Variants in HPN observed in about 807,000 individuals in gnomAD.
The protein encoded by HPN is hepsin, also known as serine protease hepsin.
In HPN, 13 loss-of-function variants were observed where a neutral mutation model predicts 55.9. The observed-to-expected ratio is 0.23, with a 90% CI of 0.15 to 0.37. The LOEUF is 0.37. Among genes scored for constraint, HPN ranks in the 10% least tolerant of loss-of-function variants. The pLI, the probability that HPN is intolerant of heterozygous loss-of-function variation, is 1.00. For missense variants in HPN, 451 were observed against 575.8 expected (o/e 0.78, Z 2.22); for synonymous variants, 225 against 240.3 (o/e 0.94, Z 0.59).
In HPN at chr19:35,059,822, G is replaced by T; in HGVS notation, c.290+20G>T. 1 of 1,543,298 alleles carries T rather than the reference G, an allele frequency of 6.5e-7. No individual in the cohort carries two copies. The highest frequency in any genetic ancestry group is 8.7e-7 in the Non-Finnish European group (1 of 1,143,044). On this transcript the variant is annotated intron_variant, in intron 5 of 12. Coordinates refer to ENST00000672452, the MANE Select transcript of HPN (RefSeq NM_001384133.1). ...CCTCAGGTACTGGGGGCCCTCGGAG[G>T]GGTGGGAGCCGGGAGGGGCTGGGGA...
At chr19:35,060,058 G>T (rs1166653478) in intron 6 of HPN, 62 bp downstream of exon 6, 9 of 1,613,842 alleles carry the variant, frequency 5.6e-6, no homozygotes, top group Non-Finnish European at 7.6e-6. Flanking sequence ...CCCTCTCCCC[G>T]TTTTCCTTCC....
At chr19:35,041,450 T>C (rs937101967), upstream of HPN, among the ~76,000 whole-genome samples, 1 of 152,068 alleles carries the variant, frequency 6.6e-6, no homozygotes, top group Non-Finnish European at 1.5e-5. Context: ...GCCCTCCATC[T>C]GATCTCTTCT....
At chr19:35,053,971 G>A (rs1201039980) in intron 4 of HPN, among the ~76,000 whole-genome samples, 1 of 152,216 alleles carries the variant, frequency 6.6e-6, no homozygotes, top group African/African-American at 2.4e-5. Context: ...ATATTAGGCA[G>A]GGAGACAGGC....
chr19:35,042,020 G>A (rs570591340), intron 1 of HPN, 148 bp downstream of exon 1: 658 of 1,169,394 alleles, frequency 5.6e-4, no homozygotes, highest in Middle Eastern at 3.1e-3. Context: ...AAGCACCTAG[G>A]TGTTCTGTCC....
chr19:35,051,326 C>T (rs1421660970), intron 4 of HPN, among the ~76,000 whole-genome samples: 1 of 152,206 alleles, frequency 6.6e-6, no homozygotes, highest in East Asian at 1.9e-4. Flanking sequence ...CCAGGATGGT[C>T]TCAAACTCCT....
At position 35,041,880 on chromosome 19, in the gene HPN, C is replaced by A. The variant is rs777709551; in HGVS notation, c.-55+8C>A. 8 of 1,335,954 alleles carry A rather than the reference C, an allele frequency of 6.0e-6. No homozygotes were observed. The South Asian group carries it at 9.3e-5, about 16-fold the overall frequency. 82.8% of individuals were successfully genotyped at this position (1,335,954 alleles called of 1,614,324 possible). ...CACCTGCTGGACCCCAGGGTAAGGA[C>A]AAGGGCCCCCAGACTCACAGTTCCA... On this transcript the variant is annotated splice_region_variant and intron_variant, in intron 1 of 12. Coordinates refer to ENST00000672452, the MANE Select transcript of HPN (RefSeq NM_001384133.1).
chr19:35,054,451 C>G (rs1482000393), intron 4 of HPN, among the ~76,000 whole-genome samples: 2 of 150,584 alleles, frequency 1.3e-5, no homozygotes, highest in African/African-American at 4.9e-5. Context: ...TGGTCACTAT[C>G]TCCGAGGATG....
At chr19:35,055,995 G>A (rs2064451461) in intron 4 of HPN, among the ~76,000 whole-genome samples, 1 of 151,994 alleles carries the variant, frequency 6.6e-6, no homozygotes, top group African/African-American at 2.4e-5. Context: ...GCCCCTCCCT[G>A]GCTCACTCTG....
Position 35,060,471 on chromosome 19 carries a change from C to T in HPN, c.579C>T (p.Leu193=), listed in dbSNP as rs776297161. Residue 193 remains leucine, a synonymous_variant, in exon 8 of 13, where the codon CTC becomes CTT. Coordinates refer to ENST00000672452, the MANE Select transcript of HPN (RefSeq NM_001384133.1). ...CACACCTCTGTGGGGGATCCCTGCT[C>T]TCCGGGGACTGGGTGCTGACAGCCG... ...DGAHLCGGSL[L]SGDWVLTAAH... The T allele has an allele frequency of 1.9e-6, 3 of 1,613,402 alleles. No individual in the cohort carries two copies. In the South Asian group the frequency reaches 3.3e-5, roughly 18 times the overall value.
chr19:35,065,407 G>A (rs1003093569), intron 10 of HPN, 62 bp downstream of exon 10: 5 of 1,565,126 alleles, frequency 3.2e-6, no homozygotes, highest in Non-Finnish European at 8.8e-7. Context: ...GGCTGGGGAT[G>A]GGCAGTCTGG....
rs58895965 is a variant in HPN, at chr19:35,060,524, C to A, written c.620+12C>A. ...CACTGCTTCCCGGAGTGAGTGCCCC[C>A]CAATGGCGCTGATGATGGGGAGGCA... On this transcript the variant is annotated intron_variant, in intron 8 of 12. Coordinates refer to ENST00000672452, the MANE Select transcript of HPN (RefSeq NM_001384133.1). The A allele has an allele frequency of 0.15, 237,369 of 1,611,904 alleles. 19,347 individuals are homozygous for A. The highest frequency in any genetic ancestry group is 0.17 in the Non-Finnish European group (199,274 of 1,179,422).
At chr19:35,061,978 A>G (rs942372184) in intron 9 of HPN, among the ~76,000 whole-genome samples, 2 of 152,126 alleles carry the variant, frequency 1.3e-5, no homozygotes, top group African/African-American at 4.8e-5. Flanking sequence ...GGATCACTTG[A>G]GCCCAGGAGT....
At chr19:35,047,988 T>A (rs1436857844) in intron 2 of HPN, among the ~76,000 whole-genome samples, 1 of 89,680 alleles carries the variant, frequency 1.1e-5, no homozygotes, top group Non-Finnish European at 2.2e-5. Context: ...AAACCCTGTC[T>A]CAAAAAAAAA....
In HPN at chr19:35,060,645, C is replaced by T; in HGVS notation, c.639C>T (p.Ser213=). 1.9e-6 allele frequency: 3 copies of T among 1,614,046 alleles called. No individual in the cohort carries two copies. ...HCFPERNRVL[S]RWRVFAGAVA... The stretch of plus-strand genomic sequence containing the variant: ...CTGGTAGGCGGAACCGGGTCCTGTC[C>T]CGATGGCGAGTGTTTGCCGGTGCCG... Residue 213 remains serine (S), a synonymous_variant, in exon 9 of 13, where the codon TCC becomes TCT. Transcript: ENST00000672452.
At chr19:35,060,606 C>A (rs1177791098) in intron 8 of HPN, 21 bp from the exon 9 acceptor site, 1 of 1,613,108 alleles carries the variant, frequency 6.2e-7, no homozygotes, top group Non-Finnish European at 8.5e-7. Context: ...GGTGGCCACC[C>A]TCCACCCCTT....
upstream of HPN, chr19:35,041,689 C>CAG (rs2151750448): frequency 1.4e-4 from 53 of 385,446 alleles, no homozygotes; most frequent in Non-Finnish European, 1.8e-4. Flanking sequence ...CCCGCCCCTT[C>CAG]ACCCGCCCCT....
rs536511478 is a variant in HPN, at chr19:35,056,230, C to T, written c.161-3443C>T. Reference sequence around the variant, plus strand: ...CACCCTCCATGCCGGCACTCCCCTCCCTCGGTGGCATTTTATTTTTCTCTG... The same window carrying T: ...CACCCTCCATGCCGGCACTCCCCTCTCTCGGTGGCATTTTATTTTTCTCTG... On this transcript the variant is annotated intron_variant, in intron 4 of 12. Coordinates refer to ENST00000672452, the MANE Select transcript of HPN (RefSeq NM_001384133.1). Among the ~76,000 whole-genome samples, 7 of 152,300 alleles carry T rather than the reference C, an allele frequency of 4.6e-5. No individual in the cohort carries two copies. In the East Asian group the frequency reaches 1.4e-3, roughly 29 times the overall value.
In HPN at chr19:35,065,308, C is replaced by T; in HGVS notation, c.870C>T (p.Ile290=). ...AAGQALVDGK[I]CTVTGWGNTQ... ...GCCAGGCCCTGGTGGATGGCAAGAT[C>T]TGTACCGTGACGGGCTGGGGCAACA... is the stretch of plus-strand genomic sequence containing the variant. Residue 290 remains isoleucine, a synonymous_variant, in exon 10 of 13, where the codon ATC becomes ATT. Transcript: ENST00000672452. 6.2e-7 allele frequency: 1 copy of T among 1,614,044 alleles called. No homozygotes were observed. The highest frequency in any genetic ancestry group is 8.5e-7 in the Non-Finnish European group (1 of 1,179,950).
chr19:35,047,335 C>T (rs1600379702), intron 2 of HPN, among the ~76,000 whole-genome samples: 1 of 152,334 alleles, frequency 6.6e-6, no homozygotes, highest in East Asian at 1.9e-4. Context: ...GTGCTGTTCC[C>T]TCTGCCCACA....
Sources: gnomAD v4.1 joint callset for allele counts (sites outside exome capture counted in the v4.1 genomes callset) on GRCh38, gnomAD v4.1.1 for gene constraint, MANE v1.5 for transcripts, NCBI Gene and HGNC (gene_info 2026-07-23, HGNC 2026-07-21) for gene names.